CNTNAP2: variants seen among roughly 807,000 people sequenced by gnomAD.
CNTNAP2 encodes the protein contactin associated protein 2, also known as contactin-associated protein-like 2.
In CNTNAP2, 98 loss-of-function variants were observed where a neutral mutation model predicts 155.2. That is an observed-to-expected ratio of 0.63 (90% CI 0.54 to 0.75). The LOEUF is 0.75. Ranked by LOEUF, CNTNAP2 falls within the 30% of genes least tolerant of loss-of-function variation. The pLI is 0.00. For synonymous variants in CNTNAP2, 651 were observed against 631.2 expected (o/e 1.03, Z -0.47); for missense variants, 1,727 against 1,688.1 (o/e 1.02, Z -0.40).
rs753618127 is a variant in CNTNAP2 at position 148,415,711 on chromosome 7, C to CTTAAAATAT, written c.*96_*104dup. 1 of 1,388,494 alleles carries CTTAAAATAT rather than the reference C, an allele frequency of 7.2e-7. No individual in the cohort carries two copies. Among genetic ancestry groups the CTTAAAATAT allele is most frequent in the Non-Finnish European group, 1.0e-6 (1 of 989,008 alleles). The allele number at this position is 1,388,494 out of a possible 1,614,324, so 86.0% of individuals were successfully genotyped here. On this transcript the variant is annotated 3_prime_UTR_variant, in exon 24 of 24. Transcript: ENST00000361727. ...CCTGCTTCATACTCTTGAGCACATC[C>CTTAAAATAT]TTAAAATATCAGCACAAGTTGGGGG...
intron 11 of CNTNAP2, among the ~76,000 whole-genome samples, chr7:147,503,415 C>T (rs1403950857): frequency 4.6e-5 from 7 of 152,106 alleles, no homozygotes. Context: ...TTCCCAAATA[C>T]GATCCCATCA....
intron 20 of CNTNAP2, among the ~76,000 whole-genome samples, chr7:148,261,833 C>T (rs57777958): frequency 0.079 from 11,970 of 152,250 alleles, 507 homozygotes; most frequent in South Asian, 0.094. Context: ...ACCTCATGTC[C>T]TCGCACTCTG....
chr7:146,402,053 T>A (rs1795722153), intron 1 of CNTNAP2, among the ~76,000 whole-genome samples: 1 of 152,206 alleles, frequency 6.6e-6, no homozygotes, highest in Non-Finnish European at 1.5e-5. Context: ...AAGTATTATA[T>A]GTAGAGATGA....
chr7:146,673,080 A>G (rs1800336854), intron 1 of CNTNAP2, among the ~76,000 whole-genome samples: 1 of 152,026 alleles, frequency 6.6e-6, no homozygotes, highest in Non-Finnish European at 1.5e-5. Context: ...TTAAGATAGT[A>G]GTTTTTCTTG....
chr7:148,383,382 G>C (rs776943915), intron 21 of CNTNAP2, among the ~76,000 whole-genome samples: 4 of 152,148 alleles, frequency 2.6e-5, no homozygotes, highest in Non-Finnish European at 5.9e-5. Context: ...GGCAGCGTCT[G>C]AAGTAGCCAG....
intron 20 of CNTNAP2, among the ~76,000 whole-genome samples, chr7:148,249,890 C>T (rs534814055): frequency 6.6e-6 from 1 of 152,346 alleles, no homozygotes; most frequent in East Asian, 1.9e-4. Flanking sequence ...GCAGAGGCCT[C>T]CTGACGGGTC....
rs574027468 is a variant in CNTNAP2 at position 147,755,850 on chromosome 7, G to A, written c.2098+116544G>A. On this transcript the variant is annotated intron_variant, in intron 13 of 23. Transcript: ENST00000361727. ...AGCCTCACGTTTTCATTTTCCACTC[G>A]ACCCTTCAAATTATGTCAAAAGTCC... Among the ~76,000 whole-genome samples, 8 of 152,128 alleles carry A rather than the reference G, an allele frequency of 5.3e-5. No homozygotes were observed. In the East Asian group the frequency reaches 5.8e-4, roughly 11 times the overall value.
intron 3 of CNTNAP2, among the ~76,000 whole-genome samples, chr7:146,916,392 A>T (rs1046816829): frequency 6.6e-6 from 1 of 152,122 alleles, no homozygotes; most frequent in Admixed American, 6.6e-5. Flanking sequence ...TATTGTCAAT[A>T]AGATTGGTAC....
chr7:148,285,472 G>T (rs1446717339), intron 21 of CNTNAP2, among the ~76,000 whole-genome samples: 1 of 152,226 alleles, frequency 6.6e-6, no homozygotes, highest in Non-Finnish European at 1.5e-5. Flanking sequence ...ACGGGTGCCA[G>T]ATTTATTTAA....
chr7:147,217,844 A>C (rs933576455), intron 8 of CNTNAP2, among the ~76,000 whole-genome samples: 6 of 152,022 alleles, frequency 3.9e-5, no homozygotes, highest in African/African-American at 9.7e-5. Flanking sequence ...GACCTATTCA[A>C]ATTCTCTATT....
At chr7:146,281,448 T>C (rs1409718490) in intron 1 of CNTNAP2, among the ~76,000 whole-genome samples, 1 of 152,204 alleles carries the variant, frequency 6.6e-6, no homozygotes, top group African/African-American at 2.4e-5. Flanking sequence ...TGAAGGACTC[T>C]GATTCGTACC....
chr7:148,417,205 TGGCCC>T lies in CNTNAP2; in HGVS notation c.*1593_*1597del, dbSNP rs1226038338. The stretch of plus-strand genomic sequence containing the variant: ...GAAGGTATAGATGCTATTGTTCTGA[TGGCCC>T]GGCTGAATAAAATGGAAATTCTAGT... On this transcript the variant is annotated 3_prime_UTR_variant, in exon 24 of 24. Transcript: ENST00000361727. 6.6e-6 allele frequency: 1 copy of T among 152,220 alleles called. No individual in the cohort carries two copies. Among genetic ancestry groups the T allele is most frequent in the Non-Finnish European group, 1.5e-5 (1 of 68,040 alleles). 9.4% of individuals were successfully genotyped at this position (152,220 alleles called of 1,614,324 possible). A position where few individuals can be genotyped will look rare whatever the true frequency, so the allele number is the denominator to read the frequency against.
rs138995516 is a variant in CNTNAP2 at position 148,183,308 on chromosome 7, G to T, written c.3010+10830G>T. Among the ~76,000 whole-genome samples, 263 of 152,260 alleles carry T rather than the reference G, an allele frequency of 1.7e-3. 2 individuals carry two copies. Among genetic ancestry groups the T allele is most frequent in the African/African-American group, 6.2e-3 (257 of 41,542 alleles). ...AAGGACAGCATGGCAGATAGTGGTG[G>T]GTTGCACCTAATTCTGAGGGCGTAA... On this transcript the variant is annotated intron_variant, in intron 18 of 23. Coordinates refer to ENST00000361727, the MANE Select transcript of CNTNAP2 (RefSeq NM_014141.6).
chr7:147,280,861 C>T (rs899193385), intron 8 of CNTNAP2, among the ~76,000 whole-genome samples: 6 of 151,700 alleles, frequency 4.0e-5, no homozygotes, highest in Non-Finnish European at 8.8e-5. Flanking sequence ...GAGTTAATAA[C>T]CTGTGCTAAA....
intron 1 of CNTNAP2, among the ~76,000 whole-genome samples, chr7:146,159,795 A>C (rs1026399956): frequency 6.6e-6 from 1 of 152,144 alleles, no homozygotes; most frequent in African/African-American, 2.4e-5. Context: ...ATTATGGGAG[A>C]TTTTAACACC....
intron 4 of CNTNAP2, among the ~76,000 whole-genome samples, chr7:147,044,794 G>C (rs1799326081): frequency 6.6e-6 from 1 of 151,740 alleles, no homozygotes; most frequent in Non-Finnish European, 1.5e-5. Flanking sequence ...TTGTTTGCCT[G>C]TCTGTCCTTT....
Position 147,775,277 on chromosome 7 carries a change from ATT to A in CNTNAP2, c.2099-128286_2099-128285del, listed in dbSNP as rs1178762342. Among the ~76,000 whole-genome samples, 7 of 94,720 alleles carry A rather than the reference ATT, an allele frequency of 7.4e-5. No individual in the cohort carries two copies. In the East Asian group the frequency reaches 8.0e-4, roughly 11 times the overall value. The allele number at this position is 94,720 out of a possible 152,430, so 62.1% of individuals were successfully genotyped here. On this transcript the variant is annotated intron_variant, in intron 13 of 23. Coordinates refer to ENST00000361727, the MANE Select transcript of CNTNAP2 (RefSeq NM_014141.6). ...TATTTATAAATATATTTATATATAT[ATT>A]TATAAATATATATATTTATATATAT... is the stretch of plus-strand genomic sequence containing the variant.
At chr7:146,725,876 G>A (rs868037754) in intron 1 of CNTNAP2, among the ~76,000 whole-genome samples, 89 of 152,248 alleles carry the variant, frequency 5.8e-4, no homozygotes, top group African/African-American at 2.0e-3. Context: ...CCTAGCCTCT[G>A]AATCTGGGGG....
At chr7:147,362,315 A>G (rs1397336873) in intron 9 of CNTNAP2, among the ~76,000 whole-genome samples, 1 of 152,124 alleles carries the variant, frequency 6.6e-6, no homozygotes, top group African/African-American at 2.4e-5. Flanking sequence ...TCTTACTCTT[A>G]GTAGAGACAA....
Sources: allele counts gnomAD v4.1 joint callset (sites outside exome capture counted in the v4.1 genomes callset), GRCh38; gene constraint gnomAD v4.1.1; transcripts MANE v1.5; gene names NCBI Gene and HGNC (gene_info 2026-07-23, HGNC 2026-07-21).